The following ADAM2 variants were observed in gnomAD, a reference collection of about 807,000 sequenced individuals.
ADAM2 encodes the protein disintegrin and metalloproteinase domain-containing protein 2.
In ADAM2, 101 loss-of-function variants were observed where a neutral mutation model predicts 99.3. The observed-to-expected ratio is 1.02, with a 90% CI of 0.87 to 1.20. The LOEUF is 1.20. Ranked by LOEUF, ADAM2 falls within the 50% of genes most tolerant of loss-of-function variation. The probability of loss-of-function intolerance (pLI) is 0.00; values close to 1 mark genes in which losing one functional copy is unlikely to be tolerated. For missense variants in ADAM2, 948 were observed against 878.7 expected, an observed-to-expected ratio of 1.08 and a Z score of -1.00; for synonymous variants, 323 against 287.6, an observed-to-expected ratio of 1.12 and a Z score of -1.25.
intron 10 of ADAM2, among the ~76,000 whole-genome samples, chr8:39,782,233 A>T (rs1438729915): frequency 1.3e-5 from 2 of 152,268 alleles, no homozygotes; most frequent in Admixed American, 1.3e-4. Context: ...TAGGTTCTAA[A>T]TTTAACAAAT....
chr8:39,812,669 A>G (rs947832799), intron 6 of ADAM2, among the ~76,000 whole-genome samples: 1 of 151,644 alleles, frequency 6.6e-6, no homozygotes, highest in Non-Finnish European at 1.5e-5. Context: ...AAAACAAGAA[A>G]TGGTTTTTCC....
At chr8:39,832,423 G>T (rs947838158) in intron 3 of ADAM2, among the ~76,000 whole-genome samples, 2 of 152,162 alleles carry the variant, frequency 1.3e-5, no homozygotes, top group Non-Finnish European at 2.9e-5. Context: ...TACTCCACCA[G>T]TGTGGACTAC....
rs550867429 is a variant in ADAM2, at chr8:39,799,003, T to G, written c.571-10263A>C. ...TCAAAAAACCAGCTCCTGGATTCATTGATTTTTTTGGAGGGGTTTTCATGT... is the reference window on the plus strand; with the variant it reads ...TCAAAAAACCAGCTCCTGGATTCATGGATTTTTTTGGAGGGGTTTTCATGT... On this transcript the variant is annotated intron_variant, in intron 7 of 20. Transcript: ENST00000265708. Among the ~76,000 whole-genome samples, 34 of 73,154 alleles carry G rather than the reference T, an allele frequency of 4.6e-4. No homozygotes were observed. In the East Asian group the frequency reaches 0.018, roughly 39 times the overall value. 48.0% of individuals were successfully genotyped at this position (73,154 alleles called of 152,430 possible). A position where few individuals can be genotyped will look rare whatever the true frequency, so the allele number is the denominator to read the frequency against.
intron 3 of ADAM2, among the ~76,000 whole-genome samples, chr8:39,827,879 C>A (rs1005371599): frequency 6.6e-6 from 1 of 151,828 alleles, no homozygotes; most frequent in Non-Finnish European, 1.5e-5. Context: ...TATTCTCAAC[C>A]TCAAAAAAGG....
chr8:39,838,088 G>A (rs966431000), intron 1 of ADAM2, 43 bp downstream of exon 1: 2 of 1,603,766 alleles, frequency 1.2e-6, no homozygotes, highest in Non-Finnish European at 1.7e-6. Context: ...GGAGAGTAGC[G>A]CTGAGGGTCC....
At chr8:39,811,663 C>T (rs1183032299) in intron 6 of ADAM2, among the ~76,000 whole-genome samples, 1 of 152,122 alleles carries the variant, frequency 6.6e-6, no homozygotes, top group East Asian at 1.9e-4. Context: ...ATAAACAGAA[C>T]CAAAGACAAA....
At chr8:39,772,861 G>A (rs535175726) in intron 11 of ADAM2, among the ~76,000 whole-genome samples, 2 of 151,670 alleles carry the variant, frequency 1.3e-5, no homozygotes, top group Non-Finnish European at 3.0e-5. Flanking sequence ...AGTACGATTC[G>A]CTAGGAAGAA....
intron 7 of ADAM2, among the ~76,000 whole-genome samples, chr8:39,798,576 CTCCTTT>C (rs1348623894): frequency 1.3e-5 from 2 of 152,130 alleles, no homozygotes; most frequent in Non-Finnish European, 2.9e-5. Flanking sequence ...GGAGGAGTCC[CTCCTTT>C]TCAATTGTTT....
At chr8:39,757,265 G>A (rs922364320) in intron 15 of ADAM2, among the ~76,000 whole-genome samples, 1 of 151,852 alleles carries the variant, frequency 6.6e-6, no homozygotes, top group Non-Finnish European at 1.5e-5. Flanking sequence ...TTGGCTGGAA[G>A]GCATTGTAGT....
rs1039614901 is a variant in ADAM2, at chr8:39,777,173, A to G, written c.892-12T>C. Reference sequence around the variant, plus strand: ...ATGGTTCTGGGGTGCTGAGAAAAAAAAATAGATGTACACGTTTTGGGAGAT... The same window carrying G: ...ATGGTTCTGGGGTGCTGAGAAAAAAGAATAGATGTACACGTTTTGGGAGAT... On this transcript the variant is annotated splice_polypyrimidine_tract_variant and intron_variant, in intron 10 of 20. Coordinates refer to ENST00000265708, the MANE Select transcript of ADAM2 (RefSeq NM_001464.5). 1 of 1,594,396 alleles carries G rather than the reference A, an allele frequency of 6.3e-7. No individual in the cohort carries two copies. Among genetic ancestry groups the G allele is most frequent in the Non-Finnish European group, 8.5e-7 (1 of 1,172,074 alleles).
At chr8:39,786,891 A>T in intron 10 of ADAM2, 83 bp downstream of exon 10, 2 of 1,036,262 alleles carry the variant, frequency 1.9e-6, no homozygotes, top group Non-Finnish European at 2.8e-6. Flanking sequence ...TGCAAATTTT[A>T]ATACACATAA....
chr8:39,770,806 C>T (rs1397105096), intron 11 of ADAM2, among the ~76,000 whole-genome samples: 1 of 152,054 alleles, frequency 6.6e-6, no homozygotes, highest in Admixed American at 6.6e-5. Flanking sequence ...TCTCACAAAC[C>T]CCTTATCTGC....
rs529377929 is a variant in ADAM2 at position 39,774,496 on chromosome 8, T to C, written c.1028+2529A>G. On this transcript the variant is annotated intron_variant, in intron 11 of 20. Coordinates refer to ENST00000265708, the MANE Select transcript of ADAM2 (RefSeq NM_001464.5). ...TCAATAAAAATTAATCAATACCATT[T>C]CTATATACTTGTCACAAACAATTGC... Among the ~76,000 whole-genome samples the C allele has an allele frequency of 2.0e-5, 3 of 152,112 alleles. No homozygotes were observed. In the East Asian group the frequency reaches 5.8e-4, roughly 29 times the overall value.
At chr8:39,762,883 G>C (rs950105040) in intron 14 of ADAM2, among the ~76,000 whole-genome samples, 2 of 152,186 alleles carry the variant, frequency 1.3e-5, no homozygotes, top group African/African-American at 4.8e-5. Flanking sequence ...TCTATCTACA[G>C]AGAGGAAGAG....
At chr8:39,804,503 G>C (rs1012501957) in intron 7 of ADAM2, among the ~76,000 whole-genome samples, 2 of 152,114 alleles carry the variant, frequency 1.3e-5, no homozygotes, top group Admixed American at 6.6e-5. Flanking sequence ...TTCAAAGATT[G>C]AGAGGCTTAA....
chr8:39,837,942 G>A (rs1436368961), intron 1 of ADAM2, among the ~76,000 whole-genome samples, 189 bp downstream of exon 1: 1 of 152,132 alleles, frequency 6.6e-6, no homozygotes, highest in African/African-American at 2.4e-5. Flanking sequence ...TTTCCAGGAC[G>A]TGTGGGAAAG....
chr8:39,837,264 G>T (rs771662590), intron 1 of ADAM2, 52 bp from the exon 2 acceptor site: 1 of 1,326,852 alleles, frequency 7.5e-7, no homozygotes, highest in Non-Finnish European at 1.1e-6. Flanking sequence ...ATTTCAGAGC[G>T]TGTTTTATGA....
intron 6 of ADAM2, among the ~76,000 whole-genome samples, chr8:39,813,397 T>C (rs956585482): frequency 6.6e-6 from 1 of 152,234 alleles, no homozygotes; most frequent in Non-Finnish European, 1.5e-5. Context: ...AAATACCATT[T>C]GACCCAGCCA....
Position 39,754,859 on chromosome 8 carries a change from CTG to C in ADAM2, c.1797+867_1797+868del, listed in dbSNP as rs1005071360. On this transcript the variant is annotated intron_variant, in intron 16 of 20. Transcript: ENST00000265708. ...ATAAAAAAATCTAGGAAGGCAAAAA[CTG>C]TTGATATGTATGCATAGGTACCATA... 5.9e-5 allele frequency among the ~76,000 whole-genome samples: 9 copies of C among 152,022 alleles called. 1 individual carries two copies. Among genetic ancestry groups the C allele is most frequent in the South Asian group, 2.1e-4 (1 of 4,824 alleles).
Sources: allele counts gnomAD v4.1 joint callset (sites outside exome capture counted in the v4.1 genomes callset), GRCh38; gene constraint gnomAD v4.1.1; transcripts MANE v1.5; gene names NCBI Gene and HGNC (gene_info 2026-07-23, HGNC 2026-07-21).